LRFN2: variants seen among roughly 807,000 people sequenced by gnomAD.
The protein encoded by LRFN2 is leucine-rich repeat and fibronectin type-III domain-containing protein 2.
In LRFN2, 18 loss-of-function variants were observed where a neutral mutation model predicts 37.3. The observed-to-expected ratio is 0.48, with a 90% confidence interval of 0.33 to 0.72. The LOEUF (loss-of-function observed/expected upper bound fraction) is 0.72, where lower values mean the gene tolerates loss of function less well. Ranked by LOEUF, LRFN2 falls within the 30% of genes least tolerant of loss-of-function variation. The pLI, the probability that LRFN2 is intolerant of heterozygous loss-of-function variation, is 0.02. For synonymous variants in LRFN2, 556 were observed against 466.6 expected (o/e 1.19, Z -2.47); for missense variants, 1,006 against 1,060.7 (o/e 0.95, Z 0.72).
intron 1 of LRFN2, among the ~76,000 whole-genome samples, chr6:40,456,433 A>G (rs538801729): frequency 1.3e-5 from 2 of 152,330 alleles, no homozygotes; most frequent in African/African-American, 4.8e-5. Flanking sequence ...TATGTCGATG[A>G]CATGTGTTTC....
At chr6:40,467,273 C>A (rs2113854313) in intron 1 of LRFN2, among the ~76,000 whole-genome samples, 1 of 152,082 alleles carries the variant, frequency 6.6e-6, no homozygotes, top group African/African-American at 2.4e-5. Context: ...TCCTAGGTCC[C>A]TACTGTTCTT....
chr6:40,544,301 G>A (rs1474594222), intron 1 of LRFN2, among the ~76,000 whole-genome samples: 1 of 152,320 alleles, frequency 6.6e-6, no homozygotes, highest in Admixed American at 6.5e-5. Flanking sequence ...CCCACCTGAC[G>A]CTAAGTTATT....
intron 2 of LRFN2, among the ~76,000 whole-genome samples, chr6:40,402,758 C>T (rs370604168): frequency 7.2e-5 from 11 of 152,292 alleles, no homozygotes; most frequent in African/African-American, 2.4e-4. Context: ...AATAATTGTG[C>T]TACCTGTTTT....
intron 1 of LRFN2, among the ~76,000 whole-genome samples, chr6:40,499,459 G>A (rs1765319729): frequency 6.6e-6 from 1 of 152,098 alleles, no homozygotes. Flanking sequence ...TGACTCCCAG[G>A]GTCAGAGCCC....
intron 1 of LRFN2, among the ~76,000 whole-genome samples, chr6:40,440,737 A>C (rs1763815451): frequency 2.0e-5 from 3 of 152,158 alleles, no homozygotes; most frequent in African/African-American, 7.2e-5. Context: ...GGTACATTTT[A>C]CATAGTCTTC....
intron 2 of LRFN2, among the ~76,000 whole-genome samples, chr6:40,420,056 G>A (rs536664324): frequency 7.5e-4 from 114 of 152,072 alleles, no homozygotes; most frequent in Non-Finnish European, 1.4e-3. Context: ...GAGTTCATTC[G>A]CATATCTGGA....
At chr6:40,424,692 T>C (rs1293729490) in intron 2 of LRFN2, among the ~76,000 whole-genome samples, 1 of 152,100 alleles carries the variant, frequency 6.6e-6, no homozygotes, top group Non-Finnish European at 1.5e-5. Flanking sequence ...TCTATACCAT[T>C]CTCTTCCTCT....
At chr6:40,435,335 T>C (rs546205968) in intron 1 of LRFN2, among the ~76,000 whole-genome samples, 4 of 151,630 alleles carry the variant, frequency 2.6e-5, no homozygotes, top group South Asian at 2.1e-4. Flanking sequence ...TTTTTATTTT[T>C]ATTTTTGTAG....
intron 1 of LRFN2, among the ~76,000 whole-genome samples, chr6:40,448,507 C>G (rs1764026604): frequency 6.6e-6 from 1 of 152,144 alleles, no homozygotes; most frequent in Admixed American, 6.5e-5. Flanking sequence ...GAAATCTTTG[C>G]ATCCTCCGTC....
intron 1 of LRFN2, among the ~76,000 whole-genome samples, chr6:40,550,338 G>A (rs1448954313): frequency 6.6e-6 from 1 of 151,920 alleles, no homozygotes; most frequent in Non-Finnish European, 1.5e-5. Flanking sequence ...ATATTGACTG[G>A]GAAGTGTACG....
intron 1 of LRFN2, among the ~76,000 whole-genome samples, chr6:40,482,467 C>T (rs1221057339): frequency 6.6e-6 from 1 of 152,218 alleles, no homozygotes; most frequent in Non-Finnish European, 1.5e-5. Context: ...GTCCCTGACA[C>T]ACCCCCACCT....
intron 1 of LRFN2, among the ~76,000 whole-genome samples, chr6:40,541,272 C>A (rs1007271068): frequency 2.0e-5 from 3 of 152,176 alleles, no homozygotes; most frequent in African/African-American, 7.2e-5. Context: ...ATTCCCAACC[C>A]CACAACCTGT....
Position 40,432,172 on chromosome 6 carries a change from C to G in LRFN2, c.942G>C (p.Gly314=). 5 of 1,613,818 alleles carry G rather than the reference C, an allele frequency of 3.1e-6. No individual in the cohort carries two copies. Among genetic ancestry groups the G allele is most frequent in the Non-Finnish European group, 3.4e-6 (4 of 1,180,032 alleles). ...QAATLKCKAI[G]DPSPLIHWVA... ...CCCAGTGGATAAGGGGGCTGGGGTC[C>G]CCAATGGCTTTGCACTTGAGTGTGG... Residue 314 remains glycine, a synonymous_variant, in exon 2 of 3, where the codon GGG becomes GGC. Coordinates refer to ENST00000338305, the MANE Select transcript of LRFN2 (RefSeq NM_020737.3).
chr6:40,461,406 TCTAAAAAAATAAAATAAAAA>T (rs967903887), intron 1 of LRFN2, among the ~76,000 whole-genome samples: 2 of 151,840 alleles, frequency 1.3e-5, no homozygotes, highest in African/African-American at 4.8e-5. Flanking sequence ...AGACCCTGAC[TCTAAAAAAATAAAATAAAAA>T]CTAAAAAAAA....
chr6:40,451,074 G>C (rs1322702834), intron 1 of LRFN2, among the ~76,000 whole-genome samples: 1 of 152,204 alleles, frequency 6.6e-6, no homozygotes. Context: ...AGTGCACTAA[G>C]GGAACTAGAC....
intron 1 of LRFN2, among the ~76,000 whole-genome samples, chr6:40,456,975 T>C (rs1764248547): frequency 6.6e-6 from 1 of 152,078 alleles, no homozygotes; most frequent in South Asian, 2.1e-4. Flanking sequence ...CAGCTCTTCA[T>C]CTTTCAGCTC....
chr6:40,487,865 C>T (rs1009858517), intron 1 of LRFN2, among the ~76,000 whole-genome samples: 1 of 151,976 alleles, frequency 6.6e-6, no homozygotes, highest in African/African-American at 2.4e-5. Flanking sequence ...TCTGCATCCC[C>T]TGAGCAGTCA....
In LRFN2 at chr6:40,391,913, G is replaced by A. The variant is rs370299927; in HGVS notation, c.*30C>T. The A allele has an allele frequency of 9.7e-5, 145 of 1,495,620 alleles. 1 individual carries two copies. The highest frequency in any genetic ancestry group is 5.9e-5 in the Non-Finnish European group (66 of 1,120,338). The allele number at this position is 1,495,620 out of a possible 1,614,324, so 92.6% of individuals were successfully genotyped here. On this transcript the variant is annotated 3_prime_UTR_variant, in exon 3 of 3. Transcript: ENST00000338305. The stretch of plus-strand genomic sequence containing the variant: ...ATTCTTTCCCCTTCTCCCACCCTGC[G>A]CACAGGAAAGGGAGCATGCCCACCC...
intron 2 of LRFN2, among the ~76,000 whole-genome samples, chr6:40,425,044 G>T (rs898241536): frequency 1.3e-5 from 2 of 152,236 alleles, no homozygotes; most frequent in Non-Finnish European, 2.9e-5. Flanking sequence ...CCTTTCCCCA[G>T]ATAGGAGACA....
Sources: allele counts gnomAD v4.1 joint callset (sites outside exome capture counted in the v4.1 genomes callset), GRCh38; gene constraint gnomAD v4.1.1; transcripts MANE v1.5; gene names NCBI Gene and HGNC (gene_info 2026-07-23, HGNC 2026-07-21).